The following LYPD6B variants were observed in gnomAD, a reference collection of about 807,000 sequenced individuals.
The protein encoded by LYPD6B is LY6/PLAUR domain containing 6B, also known as ly6/PLAUR domain-containing protein 6B.
LYPD6B carries 17 observed loss-of-function variants against 22.8 expected under a neutral mutation model. The observed-to-expected ratio is 0.75, with a 90% CI of 0.51 to 1.12. The LOEUF (loss-of-function observed/expected upper bound fraction) is 1.12, where lower values mean the gene tolerates loss of function less well. Among genes scored for constraint, LYPD6B ranks in the 50% most tolerant of loss-of-function variants. The probability of loss-of-function intolerance (pLI) is 0.00; values close to 1 mark genes in which losing one functional copy is unlikely to be tolerated. For missense variants in LYPD6B, 221 were observed against 258.3 expected (o/e 0.86, Z 0.99); for synonymous variants, 106 against 91.6 (o/e 1.16, Z -0.90).
chr2:149,206,193 A>T (rs1693495217), intron 4 of LYPD6B: 2 of 271,378 alleles, frequency 7.4e-6, no homozygotes. Context: ...AACAGTCAAG[A>T]GGGTGAGATG....
At chr2:149,156,732 A>T (rs1337813074) in intron 2 of LYPD6B, among the ~76,000 whole-genome samples, 3 of 152,186 alleles carry the variant, frequency 2.0e-5, no homozygotes, top group Non-Finnish European at 2.9e-5. Context: ...CAGATACATC[A>T]CATTCTGAGG....
At chr2:149,135,490 C>T (rs912996508) in intron 2 of LYPD6B, among the ~76,000 whole-genome samples, 2 of 151,642 alleles carry the variant, frequency 1.3e-5, no homozygotes, top group East Asian at 1.9e-4. Flanking sequence ...AAGGCCAAGG[C>T]GGGTGGATCA....
rs147548303 is a variant in LYPD6B at position 149,093,613 on chromosome 2, C to T, written c.-66-37270C>T. 1.1e-3 allele frequency among the ~76,000 whole-genome samples: 165 copies of T among 152,270 alleles called. 1 individual carries two copies. In the Middle Eastern group the frequency reaches 0.014, roughly 13 times the overall value. On this transcript the variant is annotated intron_variant, in intron 1 of 6. Coordinates refer to ENST00000409642, the MANE Select transcript of LYPD6B (RefSeq NM_177964.5). ...GAGCTGTACTTGTTCACTATCTGGACAGAACTGGGTCTCTTTATTACCTAT... is the reference window on the plus strand; with the variant it reads ...GAGCTGTACTTGTTCACTATCTGGATAGAACTGGGTCTCTTTATTACCTAT...
intron 5 of LYPD6B, among the ~76,000 whole-genome samples, chr2:149,212,640 G>A (rs999567361): frequency 3.3e-5 from 5 of 152,078 alleles, no homozygotes; most frequent in East Asian, 1.9e-4. Context: ...TTTCGAGAAC[G>A]TGCTTCAGAG....
intron 1 of LYPD6B, among the ~76,000 whole-genome samples, chr2:149,093,921 C>T (rs1246783770): frequency 6.6e-6 from 1 of 152,164 alleles, no homozygotes; most frequent in African/African-American, 2.4e-5. Context: ...CACTTTGAAA[C>T]TCCTTTACAT....
intron 1 of LYPD6B, among the ~76,000 whole-genome samples, chr2:149,100,028 T>C (rs1686116235): frequency 1.3e-5 from 2 of 152,206 alleles, no homozygotes; most frequent in Non-Finnish European, 2.9e-5. Context: ...TTCAGTTTCA[T>C]GTTTTTGTTC....
At chr2:149,170,508 T>C (rs1049596799) in intron 3 of LYPD6B, among the ~76,000 whole-genome samples, 1 of 152,186 alleles carries the variant, frequency 6.6e-6, no homozygotes, top group Non-Finnish European at 1.5e-5. Flanking sequence ...CTGGATTAAA[T>C]TTGGATGTAT....
At chr2:149,092,571 C>T (rs1480848620) in intron 1 of LYPD6B, among the ~76,000 whole-genome samples, 1 of 152,162 alleles carries the variant, frequency 6.6e-6, no homozygotes, top group Non-Finnish European at 1.5e-5. Flanking sequence ...CCACCCAGAG[C>T]AAGACTACAT....
At chr2:149,164,057 G>A (rs774505676) in intron 3 of LYPD6B, among the ~76,000 whole-genome samples, 3 of 152,184 alleles carry the variant, frequency 2.0e-5, no homozygotes, top group African/African-American at 7.2e-5. Flanking sequence ...AGAATAGATC[G>A]GAGATACGGT....
At chr2:149,127,839 A>G (rs545834681) in intron 1 of LYPD6B, among the ~76,000 whole-genome samples, 34 of 152,226 alleles carry the variant, frequency 2.2e-4, no homozygotes, top group East Asian at 1.4e-3. Context: ...TGAGACCTGG[A>G]ACTACTCTAC....
intron 1 of LYPD6B, among the ~76,000 whole-genome samples, chr2:149,044,837 A>G (rs1328925437): frequency 1.1e-4 from 2 of 17,612 alleles, no homozygotes; most frequent in Non-Finnish European, 5.0e-3. Context: ...AATTTTATTG[A>G]ATGCTTTTTT....
intron 1 of LYPD6B, among the ~76,000 whole-genome samples, chr2:149,115,914 G>A (rs1334437195): frequency 6.6e-6 from 1 of 152,190 alleles, no homozygotes; most frequent in South Asian, 2.1e-4. Context: ...TCACTGTCAC[G>A]AGTCATTTCT....
chr2:149,153,946 C>T (rs897371783), intron 2 of LYPD6B: 1 of 227,872 alleles, frequency 4.4e-6, no homozygotes, highest in Non-Finnish European at 7.3e-6. Context: ...AATTTATTGG[C>T]ATTGGGGAGC....
intron 3 of LYPD6B, among the ~76,000 whole-genome samples, chr2:149,173,190 A>AG (rs1690974080): frequency 6.7e-6 from 1 of 150,082 alleles, no homozygotes; most frequent in East Asian, 1.9e-4. Flanking sequence ...TTTTTTTTTT[A>AG]AAAAAAGACA....
At chr2:149,059,529 C>T (rs1388970110) in intron 1 of LYPD6B, among the ~76,000 whole-genome samples, 3 of 152,326 alleles carry the variant, frequency 2.0e-5, no homozygotes, top group East Asian at 3.9e-4. Context: ...GTTTAATTAA[C>T]GTTATTAGAA....
chr2:149,208,547 G>T, intron 5 of LYPD6B, 135 bp downstream of exon 5: 1 of 647,860 alleles, frequency 1.5e-6, no homozygotes. Flanking sequence ...GAGAGTTCTT[G>T]GAAACTGGTG....
intron 1 of LYPD6B, among the ~76,000 whole-genome samples, chr2:149,070,839 G>A (rs16826446): frequency 0.17 from 25,161 of 152,142 alleles, 2,329 homozygotes; most frequent in East Asian, 0.34. Flanking sequence ...CTCTCTACAT[G>A]ATTCTACTAT....
At chr2:149,064,687 T>C (rs756065000) in intron 1 of LYPD6B, among the ~76,000 whole-genome samples, 1 of 152,200 alleles carries the variant, frequency 6.6e-6, no homozygotes, top group Non-Finnish European at 1.5e-5. Flanking sequence ...CCACTGCATG[T>C]AATTAGCTCA....
intron 1 of LYPD6B, among the ~76,000 whole-genome samples, chr2:149,058,437 A>G (rs1018418930): frequency 1.3e-5 from 2 of 152,238 alleles, no homozygotes; most frequent in African/African-American, 4.8e-5. Flanking sequence ...TTAATGTAAA[A>G]GAGACCAAGA....
Sources: allele counts gnomAD v4.1 joint callset (sites outside exome capture counted in the v4.1 genomes callset), GRCh38; gene constraint gnomAD v4.1.1; transcripts MANE v1.5; gene names NCBI Gene and HGNC (gene_info 2026-07-23, HGNC 2026-07-21).